Variants in ITGA8 observed in about 807,000 individuals in gnomAD.
The protein encoded by ITGA8 is integrin subunit alpha 8, also known as integrin alpha-8.
ITGA8 carries 91 observed loss-of-function variants against 142.3 expected under a neutral mutation model. That is an observed-to-expected ratio of 0.64 (90% CI 0.54 to 0.76). ITGA8 has a LOEUF of 0.76. ITGA8 is among the 30% of genes least tolerant of loss of function. The pLI, the probability that ITGA8 is intolerant of heterozygous loss-of-function variation, is 0.00. For synonymous variants in ITGA8, 505 were observed against 485.2 expected (o/e 1.04, Z -0.54); for missense variants, 1,406 against 1,327.7 (o/e 1.06, Z -0.92).
chr10:15,688,421 A>C (rs1255553712), intron 2 of ITGA8, among the ~76,000 whole-genome samples: 1 of 151,950 alleles, frequency 6.6e-6, no homozygotes, highest in East Asian at 1.9e-4. Flanking sequence ...CAGTGAACTG[A>C]GATTGTGCTG....
intron 22 of ITGA8, among the ~76,000 whole-genome samples, chr10:15,587,027 A>G (rs1832844410): frequency 1.3e-5 from 2 of 151,636 alleles, no homozygotes; most frequent in Non-Finnish European, 2.9e-5. Context: ...AATTCAAGTG[A>G]TTCTCCTGCC....
At chr10:15,645,682 G>C (rs1439226377) in intron 12 of ITGA8, among the ~76,000 whole-genome samples, 1 of 152,092 alleles carries the variant, frequency 6.6e-6, no homozygotes, top group African/African-American at 2.4e-5. Flanking sequence ...TACTTCCAAG[G>C]CTACTTTGTT....
chr10:15,644,495 A>ATATT (rs1833941658), intron 12 of ITGA8, among the ~76,000 whole-genome samples: 1 of 44,958 alleles, frequency 2.2e-5, no homozygotes, highest in Non-Finnish European at 4.1e-5. Context: ...TATATATAGA[A>ATATT]TTTTTTTTTT....
intron 27 of ITGA8, among the ~76,000 whole-genome samples, chr10:15,538,512 G>GAAAAAAAAAAA (rs71374631): frequency 3.0e-5 from 3 of 98,588 alleles, no homozygotes; most frequent in Non-Finnish European, 5.6e-5. Flanking sequence ...ACTCCGTCTC[G>GAAAAAAAAAAA]AAAAAAAAAA....
chr10:15,673,178 G>C (rs982221123), intron 6 of ITGA8, among the ~76,000 whole-genome samples: 8 of 152,122 alleles, frequency 5.3e-5, no homozygotes, highest in Non-Finnish European at 8.8e-5. Context: ...CTGTCTCCCG[G>C]GTTCAAGTGA....
At chr10:15,538,291 T>G (rs1237223618) in intron 27 of ITGA8, among the ~76,000 whole-genome samples, 1 of 152,118 alleles carries the variant, frequency 6.6e-6, no homozygotes, top group African/African-American at 2.4e-5. Context: ...GGCAGGTGGA[T>G]CACCTGAGGT....
chr10:15,707,093 G>T (rs1040450458), intron 2 of ITGA8, among the ~76,000 whole-genome samples: 4 of 152,100 alleles, frequency 2.6e-5, no homozygotes, highest in African/African-American at 9.7e-5. Flanking sequence ...GAAAGTTCTT[G>T]TGACCACCTG....
intron 28 of ITGA8, among the ~76,000 whole-genome samples, chr10:15,523,429 C>T (rs189351281): frequency 1.1e-4 from 16 of 152,272 alleles, no homozygotes; most frequent in African/African-American, 2.9e-4. Context: ...AGTTACAGAA[C>T]GTACTGGCTT....
chr10:15,708,669 T>C (rs1419952130), intron 2 of ITGA8, among the ~76,000 whole-genome samples: 1 of 152,230 alleles, frequency 6.6e-6, no homozygotes, highest in Non-Finnish European at 1.5e-5. Flanking sequence ...AGATGGTAGA[T>C]ACAATTTCGA....
chr10:15,592,504 T>C (rs1003655168), intron 21 of ITGA8, among the ~76,000 whole-genome samples, 200 bp from the exon 22 acceptor site: 2 of 152,214 alleles, frequency 1.3e-5, no homozygotes, highest in African/African-American at 4.8e-5. Flanking sequence ...ACAGGTTGGT[T>C]CTCTCTCTCC....
At chr10:15,585,307 C>A (rs1055234850) in intron 23 of ITGA8, among the ~76,000 whole-genome samples, 1 of 152,206 alleles carries the variant, frequency 6.6e-6, no homozygotes, top group South Asian at 2.1e-4. Context: ...TAACCTTCAA[C>A]TCCTTGTGCC....
chr10:15,520,769 C>T (rs1833049394), intron 28 of ITGA8, among the ~76,000 whole-genome samples: 1 of 152,224 alleles, frequency 6.6e-6, no homozygotes, highest in Admixed American at 6.5e-5. Context: ...GCATTGCCTC[C>T]ACTCAGCTGG....
rs903769627 is a variant in ITGA8 at position 15,719,555 on chromosome 10, C to T, written c.209+8G>A. ...CCCGCGCGCACCTCCCCGGGTCGGGCGACTTACGTGCGGGCGTCGGGTATG... is the reference window on the plus strand; with the variant it reads ...CCCGCGCGCACCTCCCCGGGTCGGGTGACTTACGTGCGGGCGTCGGGTATG... On this transcript the variant is annotated splice_region_variant and intron_variant, in intron 1 of 29. Coordinates refer to ENST00000378076, the MANE Select transcript of ITGA8 (RefSeq NM_003638.3). 7 of 1,553,036 alleles carry T rather than the reference C, an allele frequency of 4.5e-6. No homozygotes were observed. The highest frequency in any genetic ancestry group is 2.0e-5 in the Admixed American group (1 of 50,360).
chr10:15,576,715 T>C (rs772907562), intron 23 of ITGA8, among the ~76,000 whole-genome samples: 4 of 152,236 alleles, frequency 2.6e-5, no homozygotes, highest in Non-Finnish European at 5.9e-5. Context: ...ATAAACTCTT[T>C]GGTTTGTGTA....
At chr10:15,571,983 A>G (rs1248122489) in intron 25 of ITGA8, among the ~76,000 whole-genome samples, 4 of 152,252 alleles carry the variant, frequency 2.6e-5, no homozygotes, top group African/African-American at 4.8e-5. Context: ...TGGGTGAAAT[A>G]AATGACAAGT....
At chr10:15,603,069 CT>C (rs1833131669) in intron 20 of ITGA8, among the ~76,000 whole-genome samples, 1 of 151,658 alleles carries the variant, frequency 6.6e-6, no homozygotes, top group African/African-American at 2.4e-5. Flanking sequence ...TCAACAGATA[CT>C]CAAGGATTTT....
intron 11 of ITGA8, among the ~76,000 whole-genome samples, chr10:15,652,399 G>A (rs1032221542): frequency 2.6e-5 from 4 of 151,712 alleles, no homozygotes; most frequent in East Asian, 1.9e-4. Flanking sequence ...TTGTGTGGCC[G>A]TCAGTGGGAA....
chr10:15,570,814 A>C (rs1834166490), intron 25 of ITGA8, among the ~76,000 whole-genome samples: 1 of 152,166 alleles, frequency 6.6e-6, no homozygotes, highest in Non-Finnish European at 1.5e-5. Flanking sequence ...CATAATATAT[A>C]CAAACATATA....
chr10:15,678,059 C>T (rs1388279182), intron 5 of ITGA8, among the ~76,000 whole-genome samples: 1 of 152,094 alleles, frequency 6.6e-6, no homozygotes, highest in Admixed American at 6.6e-5. Flanking sequence ...ATCCCCAGTG[C>T]CACCCCCTTC....
Sources: allele counts gnomAD v4.1 joint callset (sites outside exome capture counted in the v4.1 genomes callset), GRCh38; gene constraint gnomAD v4.1.1; transcripts MANE v1.5; gene names NCBI Gene and HGNC (gene_info 2026-07-23, HGNC 2026-07-21).